Variants in LAMB4 observed in about 807,000 individuals in gnomAD.
LAMB4 encodes laminin subunit beta-4.
LAMB4 carries 196 observed loss-of-function variants against 199.2 expected under a neutral mutation model. That is an observed-to-expected ratio of 0.98 (90% CI 0.88 to 1.11). The LOEUF is 1.11. Among genes scored for constraint, LAMB4 ranks in the 50% least tolerant of loss-of-function variants. The pLI is 0.00. For missense variants in LAMB4, 2,080 were observed against 2,171.2 expected, an observed-to-expected ratio of 0.96 and a Z score of 0.83; for synonymous variants, 744 against 770.6, an observed-to-expected ratio of 0.97 and a Z score of 0.57.
chr7:108,023,152 G>C (rs2034726852), downstream of LAMB4, among the ~76,000 whole-genome samples: 2 of 152,104 alleles, frequency 1.3e-5, no homozygotes, highest in African/African-American at 4.8e-5. Flanking sequence ...TAATGGAAAT[G>C]CTCCAGCAGA....
chr7:108,117,905 C>T (rs933841103), intron 2 of LAMB4, among the ~76,000 whole-genome samples: 16 of 152,098 alleles, frequency 1.1e-4, no homozygotes, highest in African/African-American at 3.6e-4. Flanking sequence ...GCCATCTTGG[C>T]TTTGGTGGGT....
chr7:108,105,691 C>A (rs2037978388), intron 8 of LAMB4, 126 bp downstream of exon 8: 4 of 783,836 alleles, frequency 5.1e-6, no homozygotes, highest in South Asian at 5.0e-5. Context: ...TGAATGGTAC[C>A]CATCTCAGCA....
At chr7:108,108,183 C>T (rs2038093647) in intron 5 of LAMB4, among the ~76,000 whole-genome samples, 1 of 152,178 alleles carries the variant, frequency 6.6e-6, no homozygotes, top group African/African-American at 2.4e-5. Flanking sequence ...CCCACCTCAG[C>T]CTCCCAAAAT....
rs1159399229 is a variant in LAMB4 at position 108,098,473 on chromosome 7, T to C, written c.1290A>G (p.Glu430=). ...AGQCLCKENV[E]GAKCDQCKPN... The stretch of plus-strand genomic sequence containing the variant: ...GTTTGCACTGGTCGCATTTGGCTCC[T>C]TCCACGTTCTCTTTACAAAGGCACT... The change falls in exon 11 of 34, where the codon GAA becomes GAG. Residue 430 remains glutamate, a synonymous_variant. Transcript: ENST00000388781. 1 of 1,580,286 alleles carries C rather than the reference T, an allele frequency of 6.3e-7. No homozygotes were observed. Among genetic ancestry groups the C allele is most frequent in the Non-Finnish European group, 8.6e-7 (1 of 1,163,750 alleles).
chr7:108,042,760 A>G (rs1031800067), intron 29 of LAMB4, among the ~76,000 whole-genome samples: 2 of 152,194 alleles, frequency 1.3e-5, no homozygotes, highest in African/African-American at 2.4e-5. Flanking sequence ...AACAAACCCA[A>G]AAAACCTTGG....
chr7:108,106,467 A>T (rs761431556), intron 7 of LAMB4, 42 bp downstream of exon 7: 8 of 1,209,088 alleles, frequency 6.6e-6, no homozygotes, highest in South Asian at 1.3e-5. Flanking sequence ...CAAACATGAA[A>T]TTTTTTTAAA....
intron 14 of LAMB4, among the ~76,000 whole-genome samples, chr7:108,090,249 T>G (rs1410134950): frequency 6.6e-6 from 1 of 152,204 alleles, no homozygotes; most frequent in African/African-American, 2.4e-5. Context: ...TAATTAAATG[T>G]TAACCAACTT....
At chr7:108,063,633 T>C (rs1026106419) in intron 22 of LAMB4, 128 bp downstream of exon 22, 11 of 796,528 alleles carry the variant, frequency 1.4e-5, no homozygotes, top group Non-Finnish European at 2.2e-5. Context: ...AACAGCCCTG[T>C]CACCTAGTGG....
chr7:108,054,389 G>T (rs1267299550), intron 25 of LAMB4, among the ~76,000 whole-genome samples: 2 of 152,100 alleles, frequency 1.3e-5, no homozygotes, highest in African/African-American at 4.8e-5. Flanking sequence ...TCTTCCTTGT[G>T]CACCTTTTAA....
Position 108,055,856 on chromosome 7 carries a change from C to T in LAMB4, c.3531G>A (p.Leu1177=), listed in dbSNP as rs372991193. ...TGGTGTGGTCCCACTGATCAAAGCA[C>T]AAGTGACATTGAAGACAAGTAGGGA... ...QEFPTCLQCH[L]CFDQWDHTIS... is the part of the protein sequence containing the mutation. Residue 1177 remains leucine, a synonymous_variant, in exon 25 of 34, where the codon TTG becomes TTA. Coordinates refer to ENST00000388781, the MANE Select transcript of LAMB4 (RefSeq NM_007356.3). 2 of 1,614,192 alleles carry T rather than the reference C, an allele frequency of 1.2e-6. No individual in the cohort carries two copies. Among genetic ancestry groups the T allele is most frequent in the South Asian group, 2.2e-5 (2 of 91,086 alleles).
chr7:108,031,007 G>GA, intron 31 of LAMB4, 28 bp from the exon 32 acceptor site: 2 of 1,597,456 alleles, frequency 1.3e-6, no homozygotes, highest in Non-Finnish European at 1.7e-6. Context: ...ACCAAAAAGG[G>GA]AAAATCTCTT....
At chr7:108,109,343 T>C in intron 4 of LAMB4, 99 bp from the exon 5 acceptor site, 1 of 867,084 alleles carries the variant, frequency 1.2e-6, no homozygotes, top group Admixed American at 1.9e-5. Flanking sequence ...AAAATCTCTT[T>C]GATGCCACAA....
At chr7:108,096,993 C>T (rs2037632126) in intron 11 of LAMB4, among the ~76,000 whole-genome samples, 1 of 150,366 alleles carries the variant, frequency 6.7e-6, no homozygotes, top group Non-Finnish European at 1.5e-5. Context: ...GTATACACCC[C>T]CACACACCAA....
intron 3 of LAMB4, among the ~76,000 whole-genome samples, chr7:108,112,627 A>C (rs1431644658): frequency 6.6e-6 from 1 of 152,136 alleles, no homozygotes; most frequent in Non-Finnish European, 1.5e-5. Flanking sequence ...TACAACAGCA[A>C]AGGCTGGCCT....
At chr7:108,116,777 A>G (rs1475721244) in intron 2 of LAMB4, among the ~76,000 whole-genome samples, 1 of 152,202 alleles carries the variant, frequency 6.6e-6, no homozygotes, top group Non-Finnish European at 1.5e-5. Flanking sequence ...TCATGCCTGT[A>G]CATCTCAGCA....
the LAMB4 span, among the ~76,000 whole-genome samples, chr7:108,011,876 CATAT>C: frequency 1.3e-5 from 2 of 149,934 alleles, no homozygotes; most frequent in African/African-American, 2.5e-5. Flanking sequence ...AAAATATAAA[CATAT>C]ATATATATAT....
chr7:108,016,602 A>C, the LAMB4 span, among the ~76,000 whole-genome samples: 1 of 152,014 alleles, frequency 6.6e-6, no homozygotes, highest in Non-Finnish European at 1.5e-5. Flanking sequence ...AATTTCTTAA[A>C]CCTCTTTCCT....
downstream of LAMB4, among the ~76,000 whole-genome samples, chr7:108,020,149 A>T (rs2034660241): frequency 6.6e-6 from 1 of 152,046 alleles, no homozygotes. Flanking sequence ...ACCTTATCAG[A>T]TCTCCTAGTG....
intron 1 of LAMB4, among the ~76,000 whole-genome samples, chr7:108,125,706 T>G (rs2038755635): frequency 6.6e-6 from 1 of 152,236 alleles, no homozygotes; most frequent in African/African-American, 2.4e-5. Context: ...TGAGGCAGAC[T>G]GCCGAATTCC....
Sources: allele counts gnomAD v4.1 joint callset (sites outside exome capture counted in the v4.1 genomes callset), GRCh38; gene constraint gnomAD v4.1.1; transcripts MANE v1.5; gene names NCBI Gene and HGNC (gene_info 2026-07-23, HGNC 2026-07-21).